MMS19: variants seen among roughly 807,000 people sequenced by gnomAD.
MMS19 encodes the protein MMS19 nucleotide excision repair protein homolog.
MMS19 carries 77 observed loss-of-function variants against 129.8 expected under a neutral mutation model. That is an observed-to-expected ratio of 0.59 (90% CI 0.49 to 0.72). The LOEUF (loss-of-function observed/expected upper bound fraction) is 0.72. MMS19 is among the 30% of genes least tolerant of loss of function. MMS19 has a pLI of 0.00. For synonymous variants in MMS19, 491 were observed against 502.8 expected (o/e 0.98, Z 0.31); for missense variants, 1,168 against 1,266.3 (o/e 0.92, Z 1.18).
At chr10:97,498,192 C>T in intron 1 of MMS19, 81 bp downstream of exon 1, 1 of 1,337,386 alleles carries the variant, frequency 7.5e-7, no homozygotes, top group African/African-American at 1.5e-5. Flanking sequence ...CCCGCTCCTC[C>T]CTTCCCGCCC....
In MMS19 at chr10:97,458,910, C is replaced by T; in HGVS notation, c.2965-10G>A. The T allele has an allele frequency of 6.2e-7, 1 of 1,613,592 alleles. No homozygotes were observed. Among genetic ancestry groups the T allele is most frequent in the Non-Finnish European group, 8.5e-7 (1 of 1,179,626 alleles). ...GTTTGTACGGCAGCAGCTGTGGAGT[C>T]AGAGGATATAATCAACCTTGCTCAT... On this transcript the variant is annotated splice_polypyrimidine_tract_variant and intron_variant, in intron 29 of 30. Transcript: ENST00000438925.
intron 2 of MMS19, among the ~76,000 whole-genome samples, chr10:97,482,759 C>CAT (rs2037080690): frequency 6.7e-6 from 1 of 149,168 alleles, no homozygotes; most frequent in Non-Finnish European, 1.5e-5. Context: ...CACACACACA[C>CAT]ACACACACAT....
Position 97,464,014 on chromosome 10 carries a change from C to T in MMS19, c.1757-1G>A, listed in dbSNP as rs2032764339. The T allele has an allele frequency of 6.2e-7, 1 of 1,611,576 alleles. No individual in the cohort carries two copies. Among genetic ancestry groups the T allele is most frequent in the Non-Finnish European group, 8.5e-7 (1 of 1,178,894 alleles). On this transcript the variant is annotated splice_acceptor_variant, in intron 18 of 30. Coordinates refer to ENST00000438925, the MANE Select transcript of MMS19 (RefSeq NM_022362.5). LOFTEE classifies it high-confidence loss of function. ...TCACTGGATTGTGCAACCATATTCCCTGTTGATGAGAAAGTGTTCTCTGTA... is the reference window on the plus strand; with the variant it reads ...TCACTGGATTGTGCAACCATATTCCTTGTTGATGAGAAAGTGTTCTCTGTA...
intron 1 of MMS19, 118 bp downstream of exon 1, chr10:97,498,155 G>A (rs1050156819): frequency 2.1e-6 from 2 of 949,918 alleles, no homozygotes; most frequent in African/African-American, 3.3e-5. Flanking sequence ...TCACTAACCA[G>A]CCTTGAGACC....
chr10:97,475,363 G>A (rs1228670006), intron 8 of MMS19, among the ~76,000 whole-genome samples: 1 of 152,212 alleles, frequency 6.6e-6, no homozygotes, highest in Non-Finnish European at 1.5e-5. Context: ...AAAAAAGATG[G>A]TAGGGAGATT....
In MMS19 at chr10:97,478,391, T is replaced by G; in HGVS notation, c.263-2A>C. ...CATAGAACAGTATCAGGTGTACCAC[T>G]GCACAAACCAGATTCAGCCATTAGT... is the stretch of plus-strand genomic sequence containing the variant. On this transcript the variant is annotated splice_acceptor_variant, in intron 3 of 30. Coordinates refer to ENST00000438925, the MANE Select transcript of MMS19 (RefSeq NM_022362.5). LOFTEE classifies it high-confidence loss of function. The G allele has an allele frequency of 6.2e-7, 1 of 1,600,860 alleles. No individual in the cohort carries two copies. The highest frequency in any genetic ancestry group is 1.1e-5 in the South Asian group (1 of 88,406).
intron 26 of MMS19, 114 bp downstream of exon 26, chr10:97,459,932 G>A: frequency 8.4e-7 from 1 of 1,193,002 alleles, no homozygotes; most frequent in Non-Finnish European, 1.2e-6. Flanking sequence ...AGTCTTCTAG[G>A]CACAGACCAC....
At chr10:97,486,889 A>ATATATATG (rs1211821494) in intron 1 of MMS19, among the ~76,000 whole-genome samples, 1 of 126,828 alleles carries the variant, frequency 7.9e-6, no homozygotes, top group East Asian at 2.5e-4. Flanking sequence ...ATATATATAT[A>ATATATATG]TATATAAAAT....
chr10:97,477,878 T>C lies in MMS19; in HGVS notation c.400A>G (p.Ile134Val). ...PGLAVSVLKAIFQEVHVQSLP... is the reference protein window; with the variant it reads ...PGLAVSVLKAVFQEVHVQSLP... Reference sequence around the variant, plus strand: ...ACCTGTACATGCACTTCCTGGAAGATGGCTTTAAGCACAGAAACAGCCAGC... The same window carrying C: ...ACCTGTACATGCACTTCCTGGAAGACGGCTTTAAGCACAGAAACAGCCAGC... Residue 134 changes from isoleucine (I) to valine (V), a missense_variant, in exon 5 of 31, where the codon ATC becomes GTC. Around this residue, in one of 3 missense-constraint regions of MMS19, gnomAD observed 329 missense variants for 328.6 expected, o/e 1.00. Transcript: ENST00000438925. 1.2e-6 allele frequency: 2 copies of C among 1,609,696 alleles called. No individual in the cohort carries two copies. The highest frequency in any genetic ancestry group is 2.2e-5 in the East Asian group (1 of 44,820).
At position 97,459,646 on chromosome 10, in the gene MMS19, CT is replaced by C. The variant is rs753955647; in HGVS notation, c.2739+12del. 15 of 1,596,558 alleles carry C rather than the reference CT, an allele frequency of 9.4e-6. No homozygotes were observed. The East Asian group carries it at 3.2e-4, about 34-fold the overall frequency. On this transcript the variant is annotated intron_variant, in intron 27 of 30. Coordinates refer to ENST00000438925, the MANE Select transcript of MMS19 (RefSeq NM_022362.5). ...TTTGTCCTTTGCTTAGAAGCTCTGC[CT>C]GTGGGACTTACCGTGGGCAGCTCTG...
At chr10:97,484,267 T>C in intron 1 of MMS19, 116 bp from the exon 2 acceptor site, 1 of 621,664 alleles carries the variant, frequency 1.6e-6, no homozygotes, top group East Asian at 2.8e-5. Context: ...GGGGGCCCAC[T>C]ATATTTGCCA....
chr10:97,463,348 CAG>C (rs1318130353), intron 19 of MMS19, among the ~76,000 whole-genome samples: 1 of 152,108 alleles, frequency 6.6e-6, no homozygotes, highest in Non-Finnish European at 1.5e-5. Flanking sequence ...TTTGTAGAAA[CAG>C]GGTCCCCTGT....
At chr10:97,496,178 A>T (rs914307719) in intron 1 of MMS19, among the ~76,000 whole-genome samples, 2 of 152,040 alleles carry the variant, frequency 1.3e-5, no homozygotes, top group South Asian at 2.1e-4. Context: ...AGTTTAGACC[A>T]TTTTTTTTCA....
intron 3 of MMS19, among the ~76,000 whole-genome samples, chr10:97,479,422 G>A (rs1349072733): frequency 1.3e-5 from 2 of 152,106 alleles, no homozygotes; most frequent in Non-Finnish European, 2.9e-5. Flanking sequence ...TTCCCCATTC[G>A]ACGCCCCTTT....
chr10:97,478,801 A>G (rs1052920764), intron 3 of MMS19, among the ~76,000 whole-genome samples: 2 of 152,230 alleles, frequency 1.3e-5, no homozygotes, highest in Non-Finnish European at 2.9e-5. Context: ...ATGTTCCAAT[A>G]AAAGTTTATA....
chr10:97,488,263 C>T (rs1029439057), intron 1 of MMS19, among the ~76,000 whole-genome samples: 1 of 152,036 alleles, frequency 6.6e-6, no homozygotes, highest in Non-Finnish European at 1.5e-5. Flanking sequence ...AACAGACTGG[C>T]AAAGACAAAA....
At chr10:97,459,552 G>A in intron 27 of MMS19, 26 bp from the exon 28 acceptor site, 1 of 1,608,402 alleles carries the variant, frequency 6.2e-7, no homozygotes, top group South Asian at 1.1e-5. Flanking sequence ...CAAGGTAGGG[G>A]ATGGCCACAT....
intron 1 of MMS19, among the ~76,000 whole-genome samples, chr10:97,485,478 A>G (rs937390485): frequency 2.0e-5 from 3 of 152,082 alleles, no homozygotes; most frequent in African/African-American, 7.2e-5. Context: ...ACGCCTGGCT[A>G]ATTTTTGTAT....
chr10:97,480,858 C>G, intron 3 of MMS19, 84 bp downstream of exon 3: 1 of 885,676 alleles, frequency 1.1e-6, no homozygotes, highest in Non-Finnish European at 1.9e-6. Context: ...GCCCTCCCTC[C>G]CTGCCTGTAA....
Sources: allele counts gnomAD v4.1 joint callset (sites outside exome capture counted in the v4.1 genomes callset), GRCh38; gene constraint gnomAD v4.1.1; regional missense constraint gnomAD v4.1.1; transcripts MANE v1.5; gene names NCBI Gene and HGNC (gene_info 2026-07-23, HGNC 2026-07-21).